Variants in DRC4 observed in about 807,000 individuals in gnomAD.
DRC4 encodes the protein dynein regulatory complex subunit 4, also known as GAS-11.
the DRC4 span, among the ~76,000 whole-genome samples, chr16:90,020,313 A>G: frequency 1.3e-5 from 2 of 151,836 alleles, no homozygotes; most frequent in African/African-American, 2.4e-5. Context: ...CTCAAAAAAA[A>G]AAAAGAAAAG....
the DRC4 span, chr16:90,036,256 C>T: frequency 4.9e-6 from 4 of 811,564 alleles, no homozygotes; most frequent in Non-Finnish European, 6.0e-6. Flanking sequence ...TCTTGCAGAG[C>T]TTTTGCCTGC....
At chr16:90,041,677 G>A in the DRC4 span, among the ~76,000 whole-genome samples, 4 of 151,976 alleles carry the variant, frequency 2.6e-5, no homozygotes, top group Admixed American at 2.6e-4. Context: ...GGTGGCGGGT[G>A]TAATCCCAGC....
the DRC4 span, chr16:90,042,513 A>T: frequency 1.9e-6 from 3 of 1,613,688 alleles, no homozygotes; most frequent in Non-Finnish European, 2.5e-6. Context: ...GACCTGCAGT[A>T]TGAGCTGGCC....
chr16:90,027,579 G>C, the DRC4 span: 2 of 1,569,324 alleles, frequency 1.3e-6, no homozygotes, highest in East Asian at 4.5e-5. Flanking sequence ...GCAAATCAGA[G>C]CCAGCCAAGA....
At chr16:90,025,433 C>T in the DRC4 span, among the ~76,000 whole-genome samples, 148 of 151,032 alleles carry the variant, frequency 9.8e-4, 2 homozygotes, top group East Asian at 0.019. Flanking sequence ...GGGCAGATCA[C>T]GGGTCAGGAG....
the DRC4 span, chr16:90,037,455 G>C: frequency 6.5e-7 from 1 of 1,548,648 alleles, no homozygotes; most frequent in Non-Finnish European, 8.7e-7. Context: ...CTAGGCTCAG[G>C]AGGGAGGAGC....
At chr16:90,037,124 G>A in the DRC4 span, 1 of 1,129,350 alleles carries the variant, frequency 8.9e-7, no homozygotes, top group Non-Finnish European at 1.2e-6. Context: ...GCCTGAGGCT[G>A]GCAGCAGCTG....
the DRC4 span, chr16:90,042,865 GA>G: frequency 2.0e-6 from 1 of 504,716 alleles, no homozygotes; most frequent in Non-Finnish European, 3.6e-6. Flanking sequence ...TTCAACAGGG[GA>G]AGGGAGGGCG....
chr16:90,037,209 C>T, the DRC4 span: 22 of 1,584,920 alleles, frequency 1.4e-5, no homozygotes, highest in East Asian at 1.4e-4. Context: ...GAGCCCCTGC[C>T]GGGCCTGTGC....
the DRC4 span, among the ~76,000 whole-genome samples, chr16:90,025,062 G>A: frequency 1.3e-5 from 2 of 148,286 alleles, no homozygotes; most frequent in Non-Finnish European, 3.0e-5. Context: ...TGTCACCCAG[G>A]CTGGAGTGCA....
At chr16:90,042,176 T>C in the DRC4 span, 1 of 487,400 alleles carries the variant, frequency 2.1e-6, no homozygotes, top group Non-Finnish European at 4.0e-6. Flanking sequence ...CCTCAAGTGA[T>C]CTGCCCTCCT....
At chr16:90,031,058 G>T in the DRC4 span, 2 of 855,536 alleles carry the variant, frequency 2.3e-6, no homozygotes, top group African/African-American at 3.4e-5. Flanking sequence ...CTCAGGAATG[G>T]ATGAAAGGAT....
chr16:90,031,617 G>C, the DRC4 span: 3 of 1,123,502 alleles, frequency 2.7e-6, no homozygotes, highest in Non-Finnish European at 3.7e-6. Flanking sequence ...CAGCCTTAAA[G>C]GTGTTTTTTA....
chr16:90,039,178 C>A, the DRC4 span, among the ~76,000 whole-genome samples: 2 of 152,144 alleles, frequency 1.3e-5, no homozygotes, highest in East Asian at 1.9e-4. Context: ...TTCCTTCTCC[C>A]TGTGGGTTTT....
chr16:90,031,468 C>T, the DRC4 span: 2 of 1,580,734 alleles, frequency 1.3e-6, no homozygotes, highest in Non-Finnish European at 1.7e-6. Flanking sequence ...ATGGAAGAAG[C>T]CGAGGAGAGG....
At chr16:90,043,950 C>T in the DRC4 span, 6 of 419,798 alleles carry the variant, frequency 1.4e-5, no homozygotes, top group African/African-American at 4.1e-5. Flanking sequence ...ACCAGGGGCA[C>T]GTGGAACTTC....
At chr16:90,032,579 C>T in the DRC4 span, 5 of 718,536 alleles carry the variant, frequency 7.0e-6, no homozygotes, top group South Asian at 5.1e-5. Flanking sequence ...AGGTGTGGTA[C>T]AGGTGACCAG....
the DRC4 span, chr16:90,036,537 A>G: frequency 5.6e-6 from 9 of 1,606,792 alleles, no homozygotes; most frequent in South Asian, 7.8e-5. Flanking sequence ...ATTAAGAACT[A>G]CTACAACGAC....
the DRC4 span, chr16:90,028,858 C>T: frequency 3.0e-6 from 3 of 993,724 alleles, no homozygotes; most frequent in Non-Finnish European, 4.0e-6. Context: ...ACGAAGGAGA[C>T]TGAAAGAGTC....
Sources: allele counts gnomAD v4.1 joint callset (sites outside exome capture counted in the v4.1 genomes callset), GRCh38; gene constraint gnomAD v4.1.1; transcripts MANE v1.5; gene names NCBI Gene and HGNC (gene_info 2026-07-23, HGNC 2026-07-21).